The following THEMIS variants were observed in gnomAD, a reference collection of about 807,000 sequenced individuals.
THEMIS encodes the protein protein THEMIS.
A neutral mutation model predicts 52.6 loss-of-function variants in THEMIS; 37 were observed. The ratio of observed to expected loss-of-function variants is 0.70; its 90% CI spans 0.54 to 0.93. THEMIS has a LOEUF of 0.93. Ranked by LOEUF, THEMIS falls within the 40% of genes least tolerant of loss-of-function variation. THEMIS has a pLI of 0.00. For synonymous variants in THEMIS, 292 were observed against 272.7 expected (o/e 1.07, Z -0.70); for missense variants, 808 against 763.1 (o/e 1.06, Z -0.69).
chr6:127,864,258 T>A (rs1779902131), intron 1 of THEMIS, among the ~76,000 whole-genome samples: 1 of 151,672 alleles, frequency 6.6e-6, no homozygotes, highest in African/African-American at 2.4e-5. Flanking sequence ...AAATTGGGAT[T>A]TTTTTTTAGT....
At chr6:127,761,699 T>C (rs1456569039) in intron 4 of THEMIS, among the ~76,000 whole-genome samples, 1 of 152,132 alleles carries the variant, frequency 6.6e-6, no homozygotes, top group Middle Eastern at 3.2e-3. Flanking sequence ...TTTCTTTTTG[T>C]AGTGCTGACT....
At chr6:127,902,777 A>C (rs1269507175), upstream of THEMIS, among the ~76,000 whole-genome samples, 1 of 152,018 alleles carries the variant, frequency 6.6e-6, no homozygotes, top group African/African-American at 2.4e-5. Flanking sequence ...TTTACAGCCT[A>C]GTAGTGTATT....
chr6:127,774,329 C>T (rs894998273), intron 4 of THEMIS, among the ~76,000 whole-genome samples: 1 of 152,242 alleles, frequency 6.6e-6, no homozygotes, highest in African/African-American at 2.4e-5. Flanking sequence ...CCTCAGCCTC[C>T]CGAGTAGCTG....
intron 1 of THEMIS, among the ~76,000 whole-genome samples, chr6:127,864,652 G>A (rs551321356): frequency 1.6e-3 from 239 of 152,150 alleles, no homozygotes; most frequent in African/African-American, 5.2e-3. Context: ...TATGACAAAT[G>A]ACCATCCTAA....
chr6:127,813,525 C>T lies in THEMIS; in HGVS notation c.1116G>A (p.Ala372=). ...ACAGCTTGTCATGAGGGGAATGAAACGCTTTGGTGGCCACCACGTGAAGAG... is the reference window on the plus strand; with the variant it reads ...ACAGCTTGTCATGAGGGGAATGAAATGCTTTGGTGGCCACCACGTGAAGAG... ...KEPLHVVATK[A]FHSPHDKLSS... Residue 372 remains alanine, a synonymous_variant, in exon 4 of 6, where the codon GCG becomes GCA. Coordinates refer to ENST00000368248, the MANE Select transcript of THEMIS (RefSeq NM_001010923.3). 3 of 1,613,392 alleles carry T rather than the reference C, an allele frequency of 1.9e-6. No homozygotes were observed. The highest frequency in any genetic ancestry group is 1.1e-5 in the South Asian group (1 of 90,962).
At chr6:127,905,311 CA>C (rs1781241869), upstream of THEMIS, among the ~76,000 whole-genome samples, 1 of 151,918 alleles carries the variant, frequency 6.6e-6, no homozygotes, top group Admixed American at 6.6e-5. Context: ...GACTTACTAA[CA>C]AAAACCAATA....
At chr6:127,917,233 G>A (rs1246353606) in intron 1 of THEMIS, among the ~76,000 whole-genome samples, 1 of 152,208 alleles carries the variant, frequency 6.6e-6, no homozygotes, top group East Asian at 1.9e-4. Flanking sequence ...TGAGATGTAG[G>A]TGGAAGTCAA....
chr6:127,886,648 C>CA (rs1780654595), intron 1 of THEMIS, among the ~76,000 whole-genome samples: 1 of 151,940 alleles, frequency 6.6e-6, no homozygotes, highest in Non-Finnish European at 1.5e-5. Context: ...GCTTTCCACA[C>CA]AAAAAAACCT....
At chr6:127,915,810 A>G (rs1781513095) in intron 1 of THEMIS, among the ~76,000 whole-genome samples, 1 of 151,856 alleles carries the variant, frequency 6.6e-6, no homozygotes. Flanking sequence ...AACATGACGA[A>G]ACCCCGTCTC....
At chr6:127,712,634 G>A (rs1583188257) in intron 5 of THEMIS, among the ~76,000 whole-genome samples, 1 of 151,826 alleles carries the variant, frequency 6.6e-6, no homozygotes, top group African/African-American at 2.4e-5. Context: ...GAGGTATTTG[G>A]AATCATGTAG....
rs775840336 is a variant in THEMIS at position 127,813,653 on chromosome 6, T to C, written c.988A>G (p.Arg330Gly). The change falls in exon 4 of 6, where the codon AGA (arginine) becomes GGA (glycine). Residue 330 changes from arginine to glycine, a missense_variant. Arg to Gly is a moderately radical substitution (Grantham distance 125). Transcript: ENST00000368248. ...TAGCTAGTGGGGATCAAGAAGTGTC[T>C]TTTAGGAAAATTGCTTCTAATTTCT... ...ASEIRSNFPK[R>G]HFLIPTSYKG... The C allele has an allele frequency of 1.2e-5, 20 of 1,613,906 alleles. No individual in the cohort carries two copies. In the East Asian group the frequency reaches 4.0e-4, roughly 32 times the overall value.
rs1159477377 is a variant in THEMIS, at chr6:127,830,416, A to G, written c.251-482T>C. ...AGTCACATTCATGATTAAAAGCTAT[A>G]TAGCTGGGCCTGCAATCCCAGAACT... On this transcript the variant is annotated intron_variant, in intron 2 of 5. Coordinates refer to ENST00000368248, the MANE Select transcript of THEMIS (RefSeq NM_001010923.3). Among the ~76,000 whole-genome samples the G allele has an allele frequency of 5.3e-5, 8 of 152,134 alleles. No homozygotes were observed. In the South Asian group the frequency reaches 8.3e-4, roughly 16 times the overall value.
At chr6:127,749,482 A>T (rs537773150) in intron 4 of THEMIS, among the ~76,000 whole-genome samples, 1 of 152,150 alleles carries the variant, frequency 6.6e-6, no homozygotes, top group East Asian at 1.9e-4. Context: ...ATTTATTTTT[A>T]AAAATGTTCT....
intron 4 of THEMIS, among the ~76,000 whole-genome samples, chr6:127,733,313 T>C (rs1292264205): frequency 6.6e-6 from 1 of 152,234 alleles, no homozygotes; most frequent in Admixed American, 6.5e-5. Flanking sequence ...TTTCACTTCC[T>C]TAATGTTGTT....
At chr6:127,916,060 A>AT (rs1235126966) in intron 1 of THEMIS, among the ~76,000 whole-genome samples, 1 of 152,002 alleles carries the variant, frequency 6.6e-6, no homozygotes, top group African/African-American at 2.4e-5. Flanking sequence ...AGAACTTTCT[A>AT]TTTTTTGGGC....
chr6:127,711,591 G>T (rs1037880405), intron 5 of THEMIS, among the ~76,000 whole-genome samples: 2 of 151,864 alleles, frequency 1.3e-5, no homozygotes, highest in Non-Finnish European at 2.9e-5. Flanking sequence ...GTCCTCAATG[G>T]CTGCCTTTAG....
At chr6:127,905,642 G>T (rs1005159320), upstream of THEMIS, among the ~76,000 whole-genome samples, 24 of 151,878 alleles carry the variant, frequency 1.6e-4, no homozygotes, top group Admixed American at 5.3e-4. Context: ...GAATATATCT[G>T]CACTATATAT....
intron 4 of THEMIS, among the ~76,000 whole-genome samples, chr6:127,739,030 T>G (rs142638061): frequency 6.6e-6 from 1 of 152,308 alleles, no homozygotes; most frequent in African/African-American, 2.4e-5. Flanking sequence ...GGCTGCACCA[T>G]TGCAAGCCCT....
rs397885879 is a variant in THEMIS at position 127,845,053 on chromosome 6, TA to T, written c.250+9976del. On this transcript the variant is annotated intron_variant, in intron 2 of 5. Coordinates refer to ENST00000368248, the MANE Select transcript of THEMIS (RefSeq NM_001010923.3). ...GTTCAGATCCCCATTCAAATTTTAG[TA>T]AAAAAAAAAAAGGCTCCAGTATATC... Among the ~76,000 whole-genome samples, 463 of 141,588 alleles carry T rather than the reference TA, an allele frequency of 3.3e-3. 1 individual carries two copies. Among genetic ancestry groups the T allele is most frequent in the African/African-American group, 4.0e-3 (155 of 38,962 alleles). 92.9% of individuals were successfully genotyped at this position (141,588 alleles called of 152,430 possible).
Sources: gnomAD v4.1 joint callset for allele counts (sites outside exome capture counted in the v4.1 genomes callset) on GRCh38, gnomAD v4.1.1 for gene constraint, MANE v1.5 for transcripts, NCBI Gene and HGNC (gene_info 2026-07-23, HGNC 2026-07-21) for gene names.